Variants in JMJD7 observed in about 807,000 individuals in gnomAD.
JMJD7 encodes the protein bifunctional peptidase and (3S)-lysyl hydroxylase JMJD7.
A neutral mutation model predicts 41.1 loss-of-function variants in JMJD7; 41 were observed. The ratio of observed to expected loss-of-function variants is 1.00; its 90% CI spans 0.78 to 1.30. The LOEUF is 1.30. Among genes scored for constraint, JMJD7 ranks in the 50% most tolerant of loss-of-function variants. The pLI is 0.00. For synonymous variants in JMJD7, 202 were observed against 177.2 expected (o/e 1.14, Z -1.11); for missense variants, 480 against 420.7 (o/e 1.14, Z -1.23).
Position 41,837,262 on chromosome 15 carries a change from G to GC in JMJD7, c.*110dup, listed in dbSNP as rs1161960616. The GC allele has an allele frequency of 1.3e-6, 1 of 741,332 alleles. No individual in the cohort carries two copies. Among genetic ancestry groups the GC allele is most frequent in the African/African-American group, 1.8e-5 (1 of 57,074 alleles). The allele number at this position is 741,332 out of a possible 1,614,324, so 45.9% of individuals were successfully genotyped here. A position where few individuals can be genotyped will look rare whatever the true frequency, so the allele number is the denominator to read the frequency against. ...CCTGGAGTGTGCATGCTGGCTGCTG[G>GC]CCCCGGGTCCAGCATGGCTTGAGAT... On this transcript the variant is annotated 3_prime_UTR_variant, in exon 8 of 8. Transcript: ENST00000397299.
intron 1 of JMJD7, 167 bp downstream of exon 1, chr15:41,828,355 C>G (rs1416907514): frequency 3.7e-6 from 3 of 814,038 alleles, no homozygotes; most frequent in Non-Finnish European, 5.2e-6. Flanking sequence ...CGCGCGCTCC[C>G]GCGGCTTCCT....
chr15:41,835,306 G>A, intron 3 of JMJD7, 83 bp downstream of exon 3: 2 of 1,512,018 alleles, frequency 1.3e-6, no homozygotes, highest in South Asian at 1.2e-5. Context: ...CTTAGGTGAT[G>A]ACCTGGCCTA....
intron 1 of JMJD7, among the ~76,000 whole-genome samples, chr15:41,832,664 A>G (rs976550418): frequency 3.9e-5 from 6 of 152,234 alleles, no homozygotes; most frequent in African/African-American, 1.4e-4. Context: ...TCCTGGGCCC[A>G]GTGGGGTCTT....
intron 1 of JMJD7, among the ~76,000 whole-genome samples, chr15:41,833,712 G>A (rs961077382): frequency 3.3e-5 from 5 of 151,840 alleles, no homozygotes; most frequent in South Asian, 2.1e-4. Flanking sequence ...GAGCCACCAC[G>A]TCTAGCCCTA....
intron 5 of JMJD7, 68 bp from the exon 6 acceptor site, chr15:41,836,407 G>A (rs1458503946): frequency 7.1e-6 from 11 of 1,556,850 alleles, no homozygotes; most frequent in Non-Finnish European, 9.6e-6. Context: ...GCTGGCTGGG[G>A]TGGAGGAGGG....
Position 41,835,618 on chromosome 15 carries a change from T to TG in JMJD7, c.508dup (p.Glu170GlyfsTer14). The TG allele has an allele frequency of 6.2e-7, 1 of 1,613,848 alleles. No homozygotes were observed. Among genetic ancestry groups the TG allele is most frequent in the Non-Finnish European group, 8.5e-7 (1 of 1,179,868 alleles). On this transcript the variant is annotated frameshift_variant, in exon 4 of 8. Transcript: ENST00000397299. LOFTEE classifies it high-confidence loss of function. The stretch of plus-strand genomic sequence containing the variant: ...ATGCCCGATGCTGTGAACTTCTGGC[T>TG]GGGGGAGGCGGCTGCAGTGACTTCT...
chr15:41,832,967 G>C (rs140642138), intron 1 of JMJD7, among the ~76,000 whole-genome samples: 1 of 152,222 alleles, frequency 6.6e-6, no homozygotes, highest in Non-Finnish European at 1.5e-5. Flanking sequence ...TGAATAGAGG[G>C]TGTGTGGCAA....
Position 41,835,069 on chromosome 15 carries a change from C to A in JMJD7, c.318C>A (p.Arg106=). The change falls in exon 3 of 8, where the codon CGC becomes CGA. Residue 106 remains arginine, a synonymous_variant. Coordinates refer to ENST00000397299, the MANE Select transcript of JMJD7 (RefSeq NM_001114632.2). The part of the protein sequence containing the change: ...GDRFMMPAER[R]LPLSFVLDVL... ...GCTTCATGATGCCAGCTGAGCGCCG[C>A]CTGCCCCTGAGCTTCGTGCTGGATG... 6.2e-7 allele frequency: 1 copy of A among 1,613,856 alleles called. No homozygotes were observed. The highest frequency in any genetic ancestry group is 8.5e-7 in the Non-Finnish European group (1 of 1,180,050).
chr15:41,828,280 G>A lies in JMJD7; in HGVS notation c.64+92G>A, dbSNP rs543954177. The A allele has an allele frequency of 1.1e-5, 15 of 1,397,818 alleles. No individual in the cohort carries two copies. The African/African-American group carries it at 2.3e-4, about 21-fold the overall frequency. The allele number at this position is 1,397,818 out of a possible 1,614,324, so 86.6% of individuals were successfully genotyped here. A position where few individuals can be genotyped will look rare whatever the true frequency, so the allele number is the denominator to read the frequency against. ...ACCGGGGGCTCGGAACCTCGTGTGT[G>A]CGACTGCCCTGAGGCCCCGCTCGGG... On this transcript the variant is annotated intron_variant, in intron 1 of 7. Coordinates refer to ENST00000397299, the MANE Select transcript of JMJD7 (RefSeq NM_001114632.2).
chr15:41,828,182 G>A lies in JMJD7; in HGVS notation c.58G>A (p.Ala20Thr). ...CGAGTTACGAGAATTCCCGGCCGCTGCAAGGGGTGAGTGGCTCTCCCACAG... is the reference window on the plus strand; with the variant it reads ...CGAGTTACGAGAATTCCCGGCCGCTACAAGGGGTGAGTGGCTCTCCCACAG... ...RSELREFPAA[A>T]RELCVPLAVP... Residue 20 changes from alanine to threonine, a missense_variant, in exon 1 of 8, where the codon GCA (alanine) becomes ACA (threonine). Transcript: ENST00000397299. 2 of 1,500,452 alleles carry A rather than the reference G, an allele frequency of 1.3e-6. No homozygotes were observed. Among genetic ancestry groups the A allele is most frequent in the South Asian group, 1.4e-5 (1 of 73,676 alleles). The allele number at this position is 1,500,452 out of a possible 1,614,324, so 92.9% of individuals were successfully genotyped here.
intron 1 of JMJD7, among the ~76,000 whole-genome samples, chr15:41,832,177 A>T (rs1241086106): frequency 6.6e-6 from 1 of 152,186 alleles, no homozygotes; most frequent in Non-Finnish European, 1.5e-5. Context: ...AGCTGTGCGC[A>T]GTGGCCAAAC....
At chr15:41,835,698 G>A in intron 4 of JMJD7, 54 bp downstream of exon 4, 1 of 1,582,110 alleles carries the variant, frequency 6.3e-7, no homozygotes. Context: ...GGCAGAGGGA[G>A]GGAAGACGAG....
In JMJD7 at chr15:41,836,856, C is replaced by G; in HGVS notation, c.778C>G (p.Arg260Gly). 1 of 1,613,282 alleles carries G rather than the reference C, an allele frequency of 6.2e-7. No homozygotes were observed. Among genetic ancestry groups the G allele is most frequent in the Non-Finnish European group, 8.5e-7 (1 of 1,179,766 alleles). The change falls in exon 7 of 8, where the codon CGC becomes GGC. Residue 260 changes from arginine to glycine, a missense_variant. Coordinates refer to ENST00000397299, the MANE Select transcript of JMJD7 (RefSeq NM_001114632.2). Reference sequence around the variant, plus strand: ...TAGTTACAGTCAGGCCCAGGCCCTTCGCTGCACGGTGCGGGCCGGTGAGAT... The same window carrying G: ...TAGTTACAGTCAGGCCCAGGCCCTTGGCTGCACGGTGCGGGCCGGTGAGAT... ...YPSYSQAQAL[R>G]CTVRAGEMLY...
At position 41,834,862 on chromosome 15, in the gene JMJD7, G is replaced by A. The variant is rs774442436; in HGVS notation, c.187G>A (p.Ala63Thr). The change falls in exon 2 of 8, where the codon GCC becomes ACC. Residue 63 changes from alanine (A) to threonine (T), a missense_variant. Coordinates refer to ENST00000397299, the MANE Select transcript of JMJD7 (RefSeq NM_001114632.2). ...CCGCAACGCTCTGCAGCACTGGCCG[G>A]CCCTCCAGAAGTGGTCCCTCCCCTA... is the stretch of plus-strand genomic sequence containing the variant. ...IIRNALQHWP[A>T]LQKWSLPYFR... 1 of 1,614,198 alleles carries A rather than the reference G, an allele frequency of 6.2e-7. No individual in the cohort carries two copies. The highest frequency in any genetic ancestry group is 1.1e-5 in the South Asian group (1 of 91,080).
At position 41,834,786 on chromosome 15, in the gene JMJD7, T is replaced by C. The variant is rs2065283616; in HGVS notation, c.111T>C (p.Thr37=). The C allele has an allele frequency of 6.2e-7, 1 of 1,614,022 alleles. No homozygotes were observed. The highest frequency in any genetic ancestry group is 8.5e-7 in the Non-Finnish European group (1 of 1,180,024). Residue 37 remains threonine, a synonymous_variant, in exon 2 of 8, where the codon ACT becomes ACC. Coordinates refer to ENST00000397299, the MANE Select transcript of JMJD7 (RefSeq NM_001114632.2). Reference sequence around the variant, plus strand: ...TGCCCTACCTGGACAAACCCCCAACTCCGCTCCACTTCTACCGGGACTGGG... The same window carrying C: ...TGCCCTACCTGGACAAACCCCCAACCCCGCTCCACTTCTACCGGGACTGGG... The part of the protein sequence containing the change: ...LAVPYLDKPP[T]PLHFYRDWVC...
At position 41,834,844 on chromosome 15, in the gene JMJD7, G is replaced by A. The variant is rs745902271; in HGVS notation, c.169G>A (p.Ala57Thr). The A allele has an allele frequency of 5.6e-6, 9 of 1,614,078 alleles. No individual in the cohort carries two copies. Among genetic ancestry groups the A allele is most frequent in the Middle Eastern group, 1.6e-4 (1 of 6,084 alleles). ...CAACAGGCCGTGCATTATCCGCAAC[G>A]CTCTGCAGCACTGGCCGGCCCTCCA... ...CPNRPCIIRN[A>T]LQHWPALQKW... The change falls in exon 2 of 8, where the codon GCT (alanine) becomes ACT (threonine). Residue 57 changes from alanine (A) to threonine (T), a missense_variant. Coordinates refer to ENST00000397299, the MANE Select transcript of JMJD7 (RefSeq NM_001114632.2).
In JMJD7 at chr15:41,837,225, T is replaced by G; in HGVS notation, c.*69T>G. On this transcript the variant is annotated 3_prime_UTR_variant, in exon 8 of 8. Coordinates refer to ENST00000397299, the MANE Select transcript of JMJD7 (RefSeq NM_001114632.2). ...GCCAGCCCCTCCCTGGCCAGGTCAATTCTCGAGAGAGCCTGGAGTGTGCAT... is the reference window on the plus strand; with the variant it reads ...GCCAGCCCCTCCCTGGCCAGGTCAAGTCTCGAGAGAGCCTGGAGTGTGCAT... 1 of 1,095,414 alleles carries G rather than the reference T, an allele frequency of 9.1e-7. No individual in the cohort carries two copies. The highest frequency in any genetic ancestry group is 1.4e-6 in the Non-Finnish European group (1 of 733,752). The allele number at this position is 1,095,414 out of a possible 1,614,324, so 67.9% of individuals were successfully genotyped here. A position where few individuals can be genotyped will look rare whatever the true frequency, so the allele number is the denominator to read the frequency against.
intron 1 of JMJD7, among the ~76,000 whole-genome samples, chr15:41,833,414 A>ATATTTTTTTTTT (rs1239528383): frequency 6.2e-5 from 2 of 32,010 alleles, no homozygotes; most frequent in Non-Finnish European, 1.2e-4. Flanking sequence ...ATATATATAT[A>ATATTTTTTTTTT]TTTTTTTTTT....
intron 1 of JMJD7, 137 bp downstream of exon 1, chr15:41,828,325 T>A (rs2065170578): frequency 9.4e-7 from 1 of 1,064,748 alleles, no homozygotes; most frequent in Admixed American, 4.2e-5. Context: ...TGTGGCAACC[T>A]GCTTCCCTTC....
Sources: gnomAD v4.1 joint callset for allele counts (sites outside exome capture counted in the v4.1 genomes callset) on GRCh38, gnomAD v4.1.1 for gene constraint, MANE v1.5 for transcripts, NCBI Gene and HGNC (gene_info 2026-07-23, HGNC 2026-07-21) for gene names.